EYS: variants seen among roughly 807,000 people sequenced by gnomAD.
EYS encodes EGF-like photoreceptor maintenance factor, also known as protein eyes shut homolog.
Under a neutral mutation model 282.1 loss-of-function variants are expected in EYS, and 250 were observed. That is an observed-to-expected ratio of 0.89 (90% CI 0.80 to 0.98). The LOEUF (loss-of-function observed/expected upper bound fraction) is 0.98, where lower values mean the gene tolerates loss of function less well. EYS is among the 50% of genes least tolerant of loss of function. The pLI, the probability that EYS is intolerant of heterozygous loss-of-function variation, is 0.00. For synonymous variants in EYS, 1,355 were observed against 1,282.9 expected, an observed-to-expected ratio of 1.06 and a Z score of -1.20; for missense variants, 4,016 against 3,709.0, an observed-to-expected ratio of 1.08 and a Z score of -2.15.
intron 35 of EYS, among the ~76,000 whole-genome samples, chr6:63,871,012 T>C (rs1309240841): frequency 1.3e-5 from 2 of 152,198 alleles, no homozygotes; most frequent in Admixed American, 6.5e-5. Context: ...TCCTACTCTA[T>C]AGATAAAATT....
intron 22 of EYS, among the ~76,000 whole-genome samples, chr6:64,674,169 T>G (rs577289325): frequency 1.3e-5 from 2 of 152,134 alleles, no homozygotes; most frequent in Non-Finnish European, 2.9e-5. Flanking sequence ...GAATAGATCT[T>G]ATCATAAATT....
intron 30 of EYS, among the ~76,000 whole-genome samples, chr6:64,299,002 T>C (rs907746554): frequency 2.0e-5 from 3 of 152,162 alleles, no homozygotes; most frequent in Non-Finnish European, 4.4e-5. Flanking sequence ...TATATAAATG[T>C]AGGAGTTCAG....
intron 35 of EYS, among the ~76,000 whole-genome samples, chr6:63,965,773 G>A (rs574922807): frequency 6.6e-6 from 1 of 152,092 alleles, no homozygotes; most frequent in African/African-American, 2.4e-5. Context: ...AGATCTGGGG[G>A]AACGGCTCAT....
intron 2 of EYS, among the ~76,000 whole-genome samples, chr6:65,511,149 T>C (rs574399291): frequency 1.2e-4 from 19 of 152,290 alleles, no homozygotes; most frequent in Non-Finnish European, 2.4e-4. Context: ...TTTCTTGCAA[T>C]AAGAATACAT....
At chr6:64,077,163 C>T (rs1298381076) in intron 32 of EYS, among the ~76,000 whole-genome samples, 1 of 151,864 alleles carries the variant, frequency 6.6e-6, no homozygotes, top group South Asian at 2.1e-4. Context: ...TCTATTGGGA[C>T]CCATTAAGGA....
intron 12 of EYS, among the ~76,000 whole-genome samples, chr6:65,162,832 A>T (rs1764882079): frequency 6.6e-6 from 1 of 150,990 alleles, no homozygotes; most frequent in Admixed American, 6.6e-5. Flanking sequence ...GTTTTGTGAC[A>T]ATCTCCATCA....
intron 2 of EYS, among the ~76,000 whole-genome samples, chr6:65,499,906 C>CT (rs746924005): frequency 1.3e-5 from 2 of 151,906 alleles, no homozygotes; most frequent in Non-Finnish European, 2.9e-5. Context: ...CTTTAGTACA[C>CT]TGTCTTGATT....
chr6:64,886,886 T>G (rs1213306102), intron 18 of EYS, 44 bp from the exon 19 acceptor site: 1 of 1,181,452 alleles, frequency 8.5e-7, no homozygotes, highest in South Asian at 1.6e-5. Context: ...GTAACAATGA[T>G]AATCATTTAT....
At chr6:64,097,899 A>G (rs546855761) in intron 31 of EYS, among the ~76,000 whole-genome samples, 2 of 152,366 alleles carry the variant, frequency 1.3e-5, no homozygotes, top group South Asian at 4.1e-4. Flanking sequence ...TTGGCAAAAA[A>G]TGTTTATAAA....
intron 13 of EYS, among the ~76,000 whole-genome samples, chr6:65,021,576 T>G (rs759052268): frequency 6.6e-6 from 1 of 152,246 alleles, no homozygotes; most frequent in East Asian, 1.9e-4. Flanking sequence ...CACATTTTTC[T>G]GTCTTTTTCT....
intron 22 of EYS, among the ~76,000 whole-genome samples, chr6:64,694,586 A>G (rs1770510995): frequency 6.6e-6 from 1 of 152,164 alleles, no homozygotes; most frequent in Non-Finnish European, 1.5e-5. Context: ...CCTTTAATTC[A>G]TAGGTGACTG....
At chr6:64,669,655 T>C (rs1428494651) in intron 22 of EYS, among the ~76,000 whole-genome samples, 1 of 152,190 alleles carries the variant, frequency 6.6e-6, no homozygotes, top group Non-Finnish European at 1.5e-5. Flanking sequence ...AGAGCCTTGG[T>C]TGCTTGGGCC....
intron 41 of EYS, among the ~76,000 whole-genome samples, chr6:63,732,661 G>A (rs576275774): frequency 1.4e-4 from 22 of 152,238 alleles, no homozygotes; most frequent in South Asian, 4.2e-4. Flanking sequence ...TTCTGAAACC[G>A]TAAATTAATA....
chr6:64,984,762 A>T (rs1422588392), intron 14 of EYS, among the ~76,000 whole-genome samples: 3 of 151,398 alleles, frequency 2.0e-5, no homozygotes, highest in Admixed American at 1.3e-4. Context: ...CTTCTTAGTG[A>T]ACTTATTTCT....
intron 26 of EYS, among the ~76,000 whole-genome samples, chr6:64,557,632 T>C (rs567735183): frequency 1.3e-5 from 2 of 152,158 alleles, no homozygotes; most frequent in East Asian, 3.9e-4. Flanking sequence ...ACCACAGTGA[T>C]ATATGGACAA....
intron 41 of EYS, chr6:63,741,792 T>C (rs1474354411): frequency 4.9e-6 from 3 of 611,012 alleles, no homozygotes; most frequent in Non-Finnish European, 6.1e-6. Flanking sequence ...CTGTCAACAT[T>C]TCACCTAATT....
intron 34 of EYS, among the ~76,000 whole-genome samples, chr6:63,987,246 C>T (rs971286607): frequency 2.6e-5 from 4 of 151,578 alleles, no homozygotes; most frequent in African/African-American, 9.7e-5. Context: ...TTCAGTGTAG[C>T]TGTAGATGAA....
chr6:65,395,576 T>G (rs1373428550), intron 7 of EYS, among the ~76,000 whole-genome samples: 1 of 152,184 alleles, frequency 6.6e-6, no homozygotes, highest in East Asian at 1.9e-4. Context: ...ATTTCAAGTA[T>G]GCAATGCCTC....
At chr6:64,870,481 C>A (rs1358620088) in intron 19 of EYS, among the ~76,000 whole-genome samples, 1 of 133,344 alleles carries the variant, frequency 7.5e-6, no homozygotes, top group Non-Finnish European at 1.6e-5. Context: ...TGCAGATTTA[C>A]AACATTATAA....
Sources: gnomAD v4.1 joint callset for allele counts (sites outside exome capture counted in the v4.1 genomes callset) on GRCh38, gnomAD v4.1.1 for gene constraint, MANE v1.5 for transcripts, NCBI Gene and HGNC (gene_info 2026-07-23, HGNC 2026-07-21) for gene names.